The following POLQ variants were observed in gnomAD, a reference collection of about 807,000 sequenced individuals.
POLQ encodes DNA polymerase theta, also known as epididymis secretory sperm binding protein.
A neutral mutation model predicts 259.2 loss-of-function variants in POLQ; 233 were observed. The ratio of observed to expected loss-of-function variants is 0.90; its 90% CI spans 0.81 to 1.00. The LOEUF (loss-of-function observed/expected upper bound fraction) is 1.00, where lower values mean the gene tolerates loss of function less well. POLQ is among the 50% of genes least tolerant of loss of function. The probability of loss-of-function intolerance (pLI) is 0.00; values close to 1 mark genes in which losing one functional copy is unlikely to be tolerated. For missense variants in POLQ, 2,871 were observed against 3,051.6 expected (o/e 0.94, Z 1.39); for synonymous variants, 1,025 against 1,048.8 (o/e 0.98, Z 0.44).
At chr3:121,538,143 C>G (rs923930173) in intron 4 of POLQ, among the ~76,000 whole-genome samples, 16 of 151,962 alleles carry the variant, frequency 1.1e-4, no homozygotes, top group African/African-American at 3.6e-4. Flanking sequence ...AGTGGGAAAA[C>G]ATACATACTC....
chr3:121,525,462 C>T (rs930162524), intron 7 of POLQ, among the ~76,000 whole-genome samples: 2 of 151,944 alleles, frequency 1.3e-5, no homozygotes, highest in Non-Finnish European at 2.9e-5. Flanking sequence ...GAAGGAGAAA[C>T]AGAAGGGGTT....
chr3:121,489,332 G>A lies in POLQ; in HGVS notation c.3599C>T (p.Ser1200Phe). 1 of 1,613,234 alleles carries A rather than the reference G, an allele frequency of 6.2e-7. No homozygotes were observed. The highest frequency in any genetic ancestry group is 8.5e-7 in the Non-Finnish European group (1 of 1,179,738). The change falls in exon 16 of 30, where the codon TCT becomes TTT. Residue 1200 changes from serine (S) to phenylalanine (F), a missense_variant. Around this residue, in one of 3 missense-constraint regions of POLQ, gnomAD observed 2,080 missense variants for 2,126.0 expected, o/e 0.98. Coordinates refer to ENST00000264233, the MANE Select transcript of POLQ (RefSeq NM_199420.4). ...GGTAATAGTGCTTGTCTGTTCATGA[G>A]ATTGCTTTCGCAGGTACTGGTTAAT... ...HPINQYLRKQ[S>F]HEQTSTITKQ...
intron 15 of POLQ, among the ~76,000 whole-genome samples, chr3:121,491,668 C>G (rs1197625963): frequency 1.3e-5 from 2 of 152,154 alleles, no homozygotes; most frequent in Non-Finnish European, 2.9e-5. Context: ...CAGTCTAGAA[C>G]AGATAACTAG....
rs775319302 is a variant in POLQ, at chr3:121,432,397, A to G, written c.7680T>C (p.Asn2560=). 3 of 1,607,396 alleles carry G rather than the reference A, an allele frequency of 1.9e-6. No homozygotes were observed. Among genetic ancestry groups the G allele is most frequent in the South Asian group, 2.2e-5 (2 of 89,944 alleles). Residue 2560 remains asparagine (N), a synonymous_variant, in exon 30 of 30, where the codon AAT becomes AAC. Coordinates refer to ENST00000264233, the MANE Select transcript of POLQ (RefSeq NM_199420.4). ...DVVQVAQIVK[N]EMESAVKLSV... Reference sequence around the variant, plus strand: ...ACAGTTTTACAGCACTTTCCATTTCATTCTTGACAATCTGAGCTACCTAAG... The same window carrying G: ...ACAGTTTTACAGCACTTTCCATTTCGTTCTTGACAATCTGAGCTACCTAAG...
chr3:121,464,395 T>C (rs746772525), intron 24 of POLQ, among the ~76,000 whole-genome samples: 35 of 151,876 alleles, frequency 2.3e-4, no homozygotes, highest in Non-Finnish European at 1.9e-4. Flanking sequence ...ACAACAACAA[T>C]AATAATAATA....
At chr3:121,458,355 T>G (rs1199103222) in intron 25 of POLQ, among the ~76,000 whole-genome samples, 1 of 151,832 alleles carries the variant, frequency 6.6e-6, no homozygotes, top group African/African-American at 2.4e-5. Context: ...CTGCACATTG[T>G]GCACATGTAC....
In POLQ at chr3:121,432,208, T is replaced by G. The variant is rs925064562; in HGVS notation, c.*96A>C. 1 of 1,134,610 alleles carries G rather than the reference T, an allele frequency of 8.8e-7. No homozygotes were observed. The highest frequency in any genetic ancestry group is 1.6e-5 in the African/African-American group (1 of 61,798). 70.3% of individuals were successfully genotyped at this position (1,134,610 alleles called of 1,614,324 possible). A position where few individuals can be genotyped will look rare whatever the true frequency, so the allele number is the denominator to read the frequency against. On this transcript the variant is annotated 3_prime_UTR_variant, in exon 30 of 30. Transcript: ENST00000264233. ...GGCTAAGTCTATCAAGACTTGAAAG[T>G]TTGTTTTGCTGAGGTAGGTGAAAGG...
chr3:121,543,238 G>A (rs556164400), intron 2 of POLQ, among the ~76,000 whole-genome samples: 2 of 152,112 alleles, frequency 1.3e-5, no homozygotes, highest in African/African-American at 2.4e-5. Context: ...CAATTGAAAT[G>A]GTCAAGCAAT....
chr3:121,519,214 A>C (rs1033076876), intron 9 of POLQ, among the ~76,000 whole-genome samples: 12 of 152,122 alleles, frequency 7.9e-5, no homozygotes, highest in Middle Eastern at 3.2e-3. Context: ...TTAGTGCTAA[A>C]GAGTAGACTA....
At chr3:121,495,699 A>T (rs200041141) in intron 14 of POLQ, among the ~76,000 whole-genome samples, 3 of 136,462 alleles carry the variant, frequency 2.2e-5, no homozygotes, top group African/African-American at 5.5e-5. Context: ...AAAAAAAAAA[A>T]TTAGCCGGGC....
chr3:121,434,090 G>A (rs1414034966), intron 28 of POLQ, among the ~76,000 whole-genome samples: 3 of 152,122 alleles, frequency 2.0e-5, no homozygotes, highest in East Asian at 3.8e-4. Flanking sequence ...ACCATTGACT[G>A]TCTGGATGCT....
chr3:121,504,632 A>G (rs2048195433), intron 12 of POLQ, among the ~76,000 whole-genome samples: 1 of 152,202 alleles, frequency 6.6e-6, no homozygotes, highest in Non-Finnish European at 1.5e-5. Flanking sequence ...ATACTAGCAA[A>G]CCAAATAAAA....
At chr3:121,479,609 A>G (rs569937376) in intron 19 of POLQ, among the ~76,000 whole-genome samples, 1 of 151,950 alleles carries the variant, frequency 6.6e-6, no homozygotes, top group East Asian at 1.9e-4. Context: ...GCATGCAACC[A>G]CACCCAGCTA....
chr3:121,479,894 A>G (rs2047957496), intron 19 of POLQ, among the ~76,000 whole-genome samples: 1 of 152,206 alleles, frequency 6.6e-6, no homozygotes, highest in Admixed American at 6.5e-5. Context: ...TGTGGACAGA[A>G]ATCAAGGAAA....
intron 22 of POLQ, among the ~76,000 whole-genome samples, chr3:121,470,416 A>G (rs763395610): frequency 6.6e-6 from 1 of 152,186 alleles, no homozygotes; most frequent in Non-Finnish European, 1.5e-5. Context: ...GGACAAGTTT[A>G]GAATGTTTAG....
At chr3:121,545,614 G>C (rs2048526753) in intron 1 of POLQ, 101 bp downstream of exon 1, 6 of 1,120,556 alleles carry the variant, frequency 5.4e-6, no homozygotes, top group Middle Eastern at 6.0e-4. Flanking sequence ...AGCCCAATGG[G>C]GTATGCAACG....
Position 121,487,746 on chromosome 3 carries a change from C to T in POLQ, c.5185G>A (p.Val1729Ile), listed in dbSNP as rs1022055883. 1 of 1,613,308 alleles carries T rather than the reference C, an allele frequency of 6.2e-7. No homozygotes were observed. Among genetic ancestry groups the T allele is most frequent in the Non-Finnish European group, 8.5e-7 (1 of 1,179,460 alleles). The change falls in exon 16 of 30, where the codon GTT becomes ATT. Residue 1729 changes from valine (V) to isoleucine (I), a missense_variant. Transcript: ENST00000264233. ...SLLPRKESNIVDDNGLIPPTP... is the reference protein window; with the variant it reads ...SLLPRKESNIIDDNGLIPPTP... The stretch of plus-strand genomic sequence containing the variant: ...GGAGGAATGAGACCATTATCATCAA[C>T]TATATTACTTTCTTTACGAGGTAAG...
At chr3:121,461,155 A>G (rs1422112294) in intron 24 of POLQ, among the ~76,000 whole-genome samples, 3 of 152,220 alleles carry the variant, frequency 2.0e-5, no homozygotes, top group Non-Finnish European at 4.4e-5. Flanking sequence ...GGCTGAGGAG[A>G]AAAACACTCG....
chr3:121,475,920 G>C (rs1343804060), intron 20 of POLQ, among the ~76,000 whole-genome samples: 1 of 151,834 alleles, frequency 6.6e-6, no homozygotes, highest in East Asian at 1.9e-4. Context: ...GTATTGGCTT[G>C]GGGATTTGAA....
Sources: allele counts gnomAD v4.1 joint callset (sites outside exome capture counted in the v4.1 genomes callset), GRCh38; gene constraint gnomAD v4.1.1; regional missense constraint gnomAD v4.1.1; transcripts MANE v1.5; gene names NCBI Gene and HGNC (gene_info 2026-07-23, HGNC 2026-07-21).